The following DYSF variants were observed in gnomAD, a reference collection of about 807,000 sequenced individuals.
DYSF encodes dystrophy-associated fer-1-like 1.
DYSF carries 212 observed loss-of-function variants against 274.9 expected under a neutral mutation model. The observed-to-expected ratio is 0.77, with a 90% CI of 0.69 to 0.86. The LOEUF (loss-of-function observed/expected upper bound fraction) is 0.86, where lower values mean the gene tolerates loss of function less well. Ranked by LOEUF, DYSF falls within the 40% of genes least tolerant of loss-of-function variation. The probability of loss-of-function intolerance (pLI) is 0.00; values close to 1 mark genes in which losing one functional copy is unlikely to be tolerated. For synonymous variants in DYSF, 1,091 were observed against 1,078.7 expected, an observed-to-expected ratio of 1.01 and a Z score of -0.22; for missense variants, 2,666 against 2,783.2, an observed-to-expected ratio of 0.96 and a Z score of 0.95.
At position 71,490,496 on chromosome 2, in the gene DYSF, C is replaced by T. The variant is rs886907252; in HGVS notation, c.239+8526C>T. 7.9e-5 allele frequency among the ~76,000 whole-genome samples: 12 copies of T among 152,290 alleles called. 1 individual carries two copies. The South Asian group carries it at 1.5e-3, about 18-fold the overall frequency. Reference sequence around the variant, plus strand: ...CTGGGATTACAGGTGCCCGCCACCACGCCCAGCTGATTTTTGTATTTGTAG... The same window carrying T: ...CTGGGATTACAGGTGCCCGCCACCATGCCCAGCTGATTTTTGTATTTGTAG... On this transcript the variant is annotated intron_variant, in intron 3 of 55. Transcript: ENST00000410020.
At chr2:71,552,712 C>T (rs772051514) in intron 19 of DYSF, among the ~76,000 whole-genome samples, 7 of 152,254 alleles carry the variant, frequency 4.6e-5, no homozygotes, top group Non-Finnish European at 8.8e-5. Flanking sequence ...TGGGAGCCCC[C>T]ACTCAGCTGA....
chr2:71,633,446 T>C (rs1040110771), intron 41 of DYSF, among the ~76,000 whole-genome samples: 1 of 152,150 alleles, frequency 6.6e-6, no homozygotes, highest in Non-Finnish European at 1.5e-5. Flanking sequence ...GTAGCAGTAC[T>C]GGAGATCAAA....
chr2:71,519,600 A>T (rs2087011616), intron 10 of DYSF, among the ~76,000 whole-genome samples: 1 of 152,126 alleles, frequency 6.6e-6, no homozygotes, highest in Admixed American at 6.5e-5. Context: ...AAATAATCCA[A>T]ATCTACCATG....
At chr2:71,679,273 G>T (rs1156435463) in intron 53 of DYSF, 38 bp downstream of exon 53, 1 of 1,596,410 alleles carries the variant, frequency 6.3e-7, no homozygotes, top group East Asian at 2.2e-5. Flanking sequence ...GAGGGCATGG[G>T]GGAAGCTTCT....
chr2:71,562,809 G>A (rs564605447), intron 23 of DYSF, among the ~76,000 whole-genome samples: 1 of 152,278 alleles, frequency 6.6e-6, no homozygotes, highest in Non-Finnish European at 1.5e-5. Context: ...TTCCCTGGTG[G>A]ACACTGTGTC....
chr2:71,560,417 G>GCCCCAGCACAGGGCTCCGGCCCAGGCGCC (rs56170138), intron 22 of DYSF, among the ~76,000 whole-genome samples: 3 of 138,786 alleles, frequency 2.2e-5, no homozygotes, highest in Non-Finnish European at 3.1e-5. Context: ...TCCCAGGCAG[G>GCCCCAGCACAGGGCTCCGGCCCAGGCGCC]CCCCCGCCCC....
chr2:71,682,318 A>T (rs1179200787), intron 54 of DYSF, among the ~76,000 whole-genome samples: 1 of 151,846 alleles, frequency 6.6e-6, no homozygotes, highest in Non-Finnish European at 1.5e-5. Context: ...CACCCAGAAG[A>T]GGAGGGCAGC....
At chr2:71,507,077 T>G (rs2085555102) in intron 4 of DYSF, among the ~76,000 whole-genome samples, 1 of 152,122 alleles carries the variant, frequency 6.6e-6, no homozygotes, top group African/African-American at 2.4e-5. Flanking sequence ...GCTGCTCCTG[T>G]CTGCATCCCG....
chr2:71,524,727 C>T (rs552261699), intron 12 of DYSF, among the ~76,000 whole-genome samples: 87 of 152,368 alleles, frequency 5.7e-4, no homozygotes, highest in African/African-American at 2.0e-3. Flanking sequence ...TCCCCATGTG[C>T]AAGGGCCTCT....
intron 3 of DYSF, among the ~76,000 whole-genome samples, chr2:71,483,469 G>A (rs1396860103): frequency 1.3e-5 from 2 of 152,206 alleles, no homozygotes; most frequent in African/African-American, 4.8e-5. Flanking sequence ...AGGCCAGAAG[G>A]GGAGGGTATT....
intron 51 of DYSF, among the ~76,000 whole-genome samples, chr2:71,673,968 A>T (rs568902586): frequency 6.6e-6 from 1 of 152,296 alleles, no homozygotes; most frequent in East Asian, 1.9e-4. Flanking sequence ...GGGAGGATTA[A>T]TGGAGCCATC....
At chr2:71,548,629 TC>T (rs2090674078) in intron 17 of DYSF, among the ~76,000 whole-genome samples, 1 of 152,178 alleles carries the variant, frequency 6.6e-6, no homozygotes, top group Non-Finnish European at 1.5e-5. Flanking sequence ...AGCATTTCCT[TC>T]CGTGCTTTTC....
chr2:71,669,113 T>A lies in DYSF; in HGVS notation c.5548T>A (p.Phe1850Ile). Residue 1850 changes from phenylalanine (F) to isoleucine (I), a missense_variant and splice_region_variant, in exon 50 of 56, where the codon TTT (phenylalanine) becomes ATT (isoleucine). Phe to Ile is a conservative substitution (Grantham distance 21, BLOSUM62 0). Around this residue, in one of 3 missense-constraint regions of DYSF, gnomAD observed 1,460 missense variants for 1,502.1 expected, o/e 0.97. Coordinates refer to ENST00000410020, the MANE Select transcript of DYSF (RefSeq NM_001130987.2). ...FNITPRRARRFFLRCIIWNTR... is the reference protein window; with the variant it reads ...FNITPRRARRIFLRCIIWNTR... ...GATTAGAGTGATACCTTTCCCCAGGTTTTTCCTGCGTTGTATTATCTGGAA... is the reference window on the plus strand; with the variant it reads ...GATTAGAGTGATACCTTTCCCCAGGATTTTCCTGCGTTGTATTATCTGGAA... The A allele has an allele frequency of 6.3e-7, 1 of 1,595,492 alleles. No individual in the cohort carries two copies. Among genetic ancestry groups the A allele is most frequent in the African/African-American group, 1.3e-5 (1 of 74,842 alleles).
intron 38 of DYSF, among the ~76,000 whole-genome samples, chr2:71,611,889 G>A (rs1024883119): frequency 1.3e-5 from 2 of 152,190 alleles, no homozygotes; most frequent in Admixed American, 1.3e-4. Context: ...TCCCCTGGCT[G>A]TTGTCCCTCT....
At chr2:71,599,449 C>G (rs1289592998) in intron 33 of DYSF, among the ~76,000 whole-genome samples, 1 of 152,180 alleles carries the variant, frequency 6.6e-6, no homozygotes, top group Non-Finnish European at 1.5e-5. Context: ...GACAGAGCAG[C>G]TCTAGGAGGC....
At chr2:71,635,343 C>T (rs1273762277) in intron 41 of DYSF, among the ~76,000 whole-genome samples, 1 of 152,234 alleles carries the variant, frequency 6.6e-6, no homozygotes, top group Admixed American at 6.5e-5. Context: ...GGATCACCCC[C>T]TCTTTCCCCA....
chr2:71,590,605 A>G (rs1456872940), intron 32 of DYSF, among the ~76,000 whole-genome samples: 1 of 152,070 alleles, frequency 6.6e-6, no homozygotes, highest in Non-Finnish European at 1.5e-5. Flanking sequence ...TCATTGCCCT[A>G]TAAGCCTGAT....
In DYSF at chr2:71,667,508, T is replaced by C. The variant is rs753632964; in HGVS notation, c.5450T>C (p.Ile1817Thr). The change falls in exon 48 of 56, where the codon ATC becomes ACC. Residue 1817 changes from isoleucine to threonine, a missense_variant. Physicochemically the swap from Ile to Thr is moderately conservative, Grantham distance 89. Around this residue, in one of 3 missense-constraint regions of DYSF, gnomAD observed 1,460 missense variants for 1,502.1 expected, o/e 0.97. Coordinates refer to ENST00000410020, the MANE Select transcript of DYSF (RefSeq NM_001130987.2). Reference protein sequence around the residue: ...RPLYSPLQPDIEQGKLQMWVD... With the variant: ...RPLYSPLQPDTEQGKLQMWVD... ...CTCTACAGCCCCCTGCAGCCAGACA[T>C]CGAGCAGGTAGGACCTTGACCCTTG... is the stretch of plus-strand genomic sequence containing the variant. 4 of 1,614,062 alleles carry C rather than the reference T, an allele frequency of 2.5e-6. No individual in the cohort carries two copies. The highest frequency in any genetic ancestry group is 3.4e-6 in the Non-Finnish European group (4 of 1,179,988).
chr2:71,470,829 T>G (rs1181519305), intron 1 of DYSF, among the ~76,000 whole-genome samples: 1 of 149,028 alleles, frequency 6.7e-6, no homozygotes, highest in Admixed American at 6.7e-5. Flanking sequence ...TTCACTCTTA[T>G]TACCCAGGCT....
Sources: allele counts gnomAD v4.1 joint callset (sites outside exome capture counted in the v4.1 genomes callset), GRCh38; gene constraint gnomAD v4.1.1; regional missense constraint gnomAD v4.1.1; transcripts MANE v1.5; gene names NCBI Gene and HGNC (gene_info 2026-07-23, HGNC 2026-07-21).